MAP4K2: variants seen among roughly 807,000 people sequenced by gnomAD.
MAP4K2 encodes B lymphocyte serine/threonine protein kinase.
MAP4K2 carries 85 observed loss-of-function variants against 125.3 expected under a neutral mutation model. That is an observed-to-expected ratio of 0.68 (90% CI 0.57 to 0.81). The LOEUF (loss-of-function observed/expected upper bound fraction) is 0.81. Ranked by LOEUF, MAP4K2 falls within the 40% of genes least tolerant of loss-of-function variation. The pLI, the probability that MAP4K2 is intolerant of heterozygous loss-of-function variation, is 0.00. For missense variants in MAP4K2, 923 were observed against 1,056.4 expected, an observed-to-expected ratio of 0.87 and a Z score of 1.75; for synonymous variants, 479 against 445.1, an observed-to-expected ratio of 1.08 and a Z score of -0.96.
intron 15 of MAP4K2, among the ~76,000 whole-genome samples, chr11:64,798,575 C>T (rs1940969451): frequency 6.6e-6 from 1 of 152,106 alleles, no homozygotes; most frequent in Admixed American, 6.6e-5. Flanking sequence ...GCTGGGATTA[C>T]AGGCATGAGC....
rs778630166 is a variant in MAP4K2, at chr11:64,791,958, A to G, written c.2043T>C (p.His681=). The G allele has an allele frequency of 2.5e-6, 4 of 1,606,836 alleles. No homozygotes were observed. Among genetic ancestry groups the G allele is most frequent in the Admixed American group, 3.4e-5 (2 of 59,268 alleles). ...PEGPGCRVLF[H]VLPLEAGLTP... is the part of the protein sequence containing the mutation. The stretch of plus-strand genomic sequence containing the variant: ...TCAGGCCAGCCTCCAGGGGCAGGAC[A>G]TGGAACAGGACGCGGCAGCCGGGCC... The change falls in exon 27 of 32, where the codon CAT becomes CAC. Residue 681 remains histidine, a synonymous_variant. Coordinates refer to ENST00000294066, the MANE Select transcript of MAP4K2 (RefSeq NM_004579.5).
Position 64,787,408 on chromosome 11 carries a change from T to C in MAP4K2, c.*2129A>G, listed in dbSNP as rs985940336. On this transcript the variant is annotated 3_prime_UTR_variant, in exon 32 of 32. Transcript: ENST00000294066. Reference sequence around the variant, plus strand: ...TACGTATATAAAAAATCGCCAAGAATAAAATATACCAAATTGCTTAAATAC... The same window carrying C: ...TACGTATATAAAAAATCGCCAAGAACAAAATATACCAAATTGCTTAAATAC... 2 of 152,042 alleles carry C rather than the reference T, an allele frequency of 1.3e-5. No homozygotes were observed. Among genetic ancestry groups the C allele is most frequent in the Non-Finnish European group, 2.9e-5 (2 of 68,022 alleles). The allele number at this position is 152,042 out of a possible 1,614,324, so 9.4% of individuals were successfully genotyped here. A position where few individuals can be genotyped will look rare whatever the true frequency, so the allele number is the denominator to read the frequency against.
At chr11:64,803,008 C>G in intron 1 of MAP4K2, 46 bp downstream of exon 1, 5 of 1,576,420 alleles carry the variant, frequency 3.2e-6, no homozygotes, top group Non-Finnish European at 4.3e-6. Context: ...CCGCGGGGTG[C>G]GGGGCTGGCA....
Position 64,802,128 on chromosome 11 carries a change from G to A in MAP4K2, c.311-7C>T. The stretch of plus-strand genomic sequence containing the variant: ...TCCTCCAGGGGCCCAGTGGCTGAAA[G>A]GAAAAGGGAGAGGCTGGCTTGGGGG... On this transcript the variant is annotated splice_polypyrimidine_tract_variant and splice_region_variant and intron_variant, in intron 4 of 31. Coordinates refer to ENST00000294066, the MANE Select transcript of MAP4K2 (RefSeq NM_004579.5). 1.9e-6 allele frequency: 3 copies of A among 1,612,798 alleles called. No individual in the cohort carries two copies. The highest frequency in any genetic ancestry group is 2.5e-6 in the Non-Finnish European group (3 of 1,179,790).
intron 10 of MAP4K2, 59 bp from the exon 11 acceptor site, chr11:64,800,451 C>T (rs1565623936): frequency 6.4e-7 from 1 of 1,567,644 alleles, no homozygotes; most frequent in Non-Finnish European, 8.8e-7. Context: ...GCAGGGTGTC[C>T]TGCCAGCTGC....
chr11:64,796,626 G>C lies in MAP4K2; in HGVS notation c.1572+8C>G, dbSNP rs201737524. On this transcript the variant is annotated splice_region_variant and intron_variant, in intron 22 of 31. Coordinates refer to ENST00000294066, the MANE Select transcript of MAP4K2 (RefSeq NM_004579.5). ...GGCCTCTGCCCCCCACAGCCAGCCG[G>C]GCCTCACCTTCTCCAGCGTATCCTC... The C allele has an allele frequency of 6.2e-7, 1 of 1,614,048 alleles. No individual in the cohort carries two copies. Among genetic ancestry groups the C allele is most frequent in the Non-Finnish European group, 8.5e-7 (1 of 1,180,032 alleles).
rs1442268746 is a variant in MAP4K2 at position 64,798,842 on chromosome 11, G to C, written c.1054-5C>G. Reference sequence around the variant, plus strand: ...TAGTGTCCACTCTTCCTCCCACTGGGGGAAACCAAGGTAGAGACCGGGGAA... The same window carrying C: ...TAGTGTCCACTCTTCCTCCCACTGGCGGAAACCAAGGTAGAGACCGGGGAA... On this transcript the variant is annotated splice_polypyrimidine_tract_variant and splice_region_variant and intron_variant, in intron 14 of 31. Coordinates refer to ENST00000294066, the MANE Select transcript of MAP4K2 (RefSeq NM_004579.5). The C allele has an allele frequency of 6.3e-7, 1 of 1,598,282 alleles. No individual in the cohort carries two copies. Among genetic ancestry groups the C allele is most frequent in the Non-Finnish European group, 8.5e-7 (1 of 1,172,056 alleles).
At chr11:64,798,168 G>GT (rs1388483058) in intron 15 of MAP4K2, among the ~76,000 whole-genome samples, 2 of 150,164 alleles carry the variant, frequency 1.3e-5, no homozygotes, top group South Asian at 4.2e-4. Context: ...ACTTTTGTTT[G>GT]TTTATTTATT....
At chr11:64,799,196 G>A (rs1446199069) in intron 14 of MAP4K2, among the ~76,000 whole-genome samples, 1 of 152,154 alleles carries the variant, frequency 6.6e-6, no homozygotes, top group Non-Finnish European at 1.5e-5. Context: ...GGAAAGGCAT[G>A]GTCTCTGTGC....
intron 5 of MAP4K2, 23 bp from the exon 6 acceptor site, chr11:64,801,780 G>A (rs1223574198): frequency 1.2e-6 from 2 of 1,611,376 alleles, no homozygotes; most frequent in Non-Finnish European, 1.7e-6. Context: ...AGGAGTCCCT[G>A]AGAGCAGCCA....
At position 64,796,655 on chromosome 11, in the gene MAP4K2, C is replaced by T. The variant is rs1391190881; in HGVS notation, c.1551G>A (p.Leu517=). Residue 517 remains leucine (L), a synonymous_variant, in exon 22 of 32, where the codon CTG becomes CTA. Transcript: ENST00000294066. ...EGIYTLNLHE[L]HEDTLEKLIS... ...TCACCTTCTCCAGCGTATCCTCATG[C>T]AGTTCATGCAGGTTGAGTGTGTAGA... The T allele has an allele frequency of 6.2e-7, 1 of 1,614,118 alleles. No homozygotes were observed. The highest frequency in any genetic ancestry group is 1.6e-4 in the Middle Eastern group (1 of 6,062).
chr11:64,795,208 C>T (rs766228507), intron 24 of MAP4K2, among the ~76,000 whole-genome samples: 2 of 151,582 alleles, frequency 1.3e-5, no homozygotes, highest in South Asian at 2.1e-4. Flanking sequence ...CTCAGCCTCC[C>T]GAGTAGCTGG....
In MAP4K2 at chr11:64,789,790, G is replaced by A; in HGVS notation, c.2320-5C>T. On this transcript the variant is annotated splice_region_variant and splice_polypyrimidine_tract_variant and intron_variant, in intron 30 of 31. Coordinates refer to ENST00000294066, the MANE Select transcript of MAP4K2 (RefSeq NM_004579.5). ...ATCTGTGATCTCCTGGGTCACCTGGGAAGACAGGTGGGAAGCACTGAGGCC... is the reference window on the plus strand; with the variant it reads ...ATCTGTGATCTCCTGGGTCACCTGGAAAGACAGGTGGGAAGCACTGAGGCC... 6 of 1,614,130 alleles carry A rather than the reference G, an allele frequency of 3.7e-6. No individual in the cohort carries two copies. Among genetic ancestry groups the A allele is most frequent in the Non-Finnish European group, 3.4e-6 (4 of 1,179,986 alleles).
In MAP4K2 at chr11:64,789,785, C is replaced by T. The variant is rs763613582; in HGVS notation, c.2320G>A (p.Val774Met). 6.2e-7 allele frequency: 1 copy of T among 1,614,116 alleles called. No homozygotes were observed. The highest frequency in any genetic ancestry group is 8.5e-7 in the Non-Finnish European group (1 of 1,179,996). The change falls in exon 31 of 32, where the codon GTG (valine) becomes ATG (methionine). Residue 774 changes from valine (V) to methionine (M), a missense_variant and splice_region_variant. By Grantham distance (21) the Val-to-Met change is conservative. Transcript: ENST00000294066. ...MQGRSLDTNE[V>M]TQEITDETRI... is the part of the protein sequence containing the mutation. ...GTTTCATCTGTGATCTCCTGGGTCA[C>T]CTGGGAAGACAGGTGGGAAGCACTG... is the stretch of plus-strand genomic sequence containing the variant.
Position 64,792,354 on chromosome 11 carries a change from C to CCCCCAAAAAAAA in MAP4K2, c.1810+9_1810+10insTTTTTTTTGGGG. 2 of 1,531,608 alleles carry CCCCCAAAAAAAA rather than the reference C, an allele frequency of 1.3e-6. No individual in the cohort carries two copies. Among genetic ancestry groups the CCCCCAAAAAAAA allele is most frequent in the Non-Finnish European group, 8.9e-7 (1 of 1,122,466 alleles). The allele number at this position is 1,531,608 out of a possible 1,614,324, so 94.9% of individuals were successfully genotyped here. A position where few individuals can be genotyped will look rare whatever the true frequency, so the allele number is the denominator to read the frequency against. ...AGGCCCCGCCCCACCCCGCCCAGCC[C>CCCCCAAAAAAAA]ATTTCTTACCCACACGACACTGCAA... On this transcript the variant is annotated intron_variant, in intron 25 of 31. Transcript: ENST00000294066.
chr11:64,802,523 A>G, intron 3 of MAP4K2, 40 bp from the exon 4 acceptor site: 1 of 1,575,420 alleles, frequency 6.3e-7, no homozygotes, highest in Non-Finnish European at 8.6e-7. Flanking sequence ...AGCAGGTCAC[A>G]TGGGGGCTGC....
At position 64,785,580 on chromosome 11, in the gene MAP4K2, T is replaced by A. The variant is rs1041496704; in HGVS notation, c.*3957A>T. 3 of 145,772 alleles carry A rather than the reference T, an allele frequency of 2.1e-5. No homozygotes were observed. The highest frequency in any genetic ancestry group is 7.5e-5 in the African/African-American group (3 of 39,776). 9.0% of individuals were successfully genotyped at this position (145,772 alleles called of 1,614,324 possible). On this transcript the variant is annotated 3_prime_UTR_variant, in exon 32 of 32. Transcript: ENST00000294066. ...ATTACTTTTAAATATTTTTTAAAAA[T>A]TTTTTTCCTTTTTTTTTTTTTCTTT... is the stretch of plus-strand genomic sequence containing the variant.
chr11:64,787,587 G>C lies in MAP4K2; in HGVS notation c.*1950C>G, dbSNP rs567292701. The C allele has an allele frequency of 1.2e-4, 19 of 152,082 alleles. No individual in the cohort carries two copies. The South Asian group carries it at 3.9e-3, about 32-fold the overall frequency. The allele number at this position is 152,082 out of a possible 1,614,324, so 9.4% of individuals were successfully genotyped here. A position where few individuals can be genotyped will look rare whatever the true frequency, so the allele number is the denominator to read the frequency against. ...TAAAAATACATAAATAAAATTTAAA[G>C]TGTTAGTCTCTCAGTGCATATTCCC... On this transcript the variant is annotated 3_prime_UTR_variant, in exon 32 of 32. Coordinates refer to ENST00000294066, the MANE Select transcript of MAP4K2 (RefSeq NM_004579.5).
Position 64,789,245 on chromosome 11 carries a change from A to C in MAP4K2, c.*292T>G. ...AGAAAGAGTAGAAAGGAAATGTGGAACAAAATGGAATGGATGGCCCAGGCC... is the reference window on the plus strand; with the variant it reads ...AGAAAGAGTAGAAAGGAAATGTGGACCAAAATGGAATGGATGGCCCAGGCC... On this transcript the variant is annotated 3_prime_UTR_variant, in exon 32 of 32. Transcript: ENST00000294066. 2.1e-6 allele frequency: 1 copy of C among 472,232 alleles called. No homozygotes were observed. Among genetic ancestry groups the C allele is most frequent in the East Asian group, 3.9e-5 (1 of 25,744 alleles). The allele number at this position is 472,232 out of a possible 1,614,324, so 29.3% of individuals were successfully genotyped here.
Sources: gnomAD v4.1 joint callset for allele counts (sites outside exome capture counted in the v4.1 genomes callset) on GRCh38, gnomAD v4.1.1 for gene constraint, MANE v1.5 for transcripts, NCBI Gene and HGNC (gene_info 2026-07-23, HGNC 2026-07-21) for gene names.